The following GRM5 variants were observed in gnomAD, a reference collection of about 807,000 sequenced individuals.
GRM5 encodes the protein glutamate metabotropic receptor 5, also known as metabotropic glutamate receptor 5.
In GRM5, 19 loss-of-function variants were observed where a neutral mutation model predicts 83.1. The ratio of observed to expected loss-of-function variants is 0.23; its 90% CI spans 0.16 to 0.34. GRM5 has a LOEUF of 0.34. Ranked by LOEUF, GRM5 falls within the 10% of genes least tolerant of loss-of-function variation. The pLI, the probability that GRM5 is intolerant of heterozygous loss-of-function variation, is 1.00. For synonymous variants in GRM5, 675 were observed against 633.6 expected (o/e 1.07, Z -0.98); for missense variants, 1,160 against 1,588.3 (o/e 0.73, Z 4.58).
At chr11:88,873,289 A>C (rs2135563964) in intron 2 of GRM5, among the ~76,000 whole-genome samples, 1 of 151,782 alleles carries the variant, frequency 6.6e-6, no homozygotes, top group Admixed American at 6.6e-5. Flanking sequence ...CACTTTTAGC[A>C]ATAGACAGAT....
chr11:88,506,397 C>T lies in GRM5; in HGVS notation c.*2195G>A, dbSNP rs1241515838. The T allele has an allele frequency of 6.6e-6, 1 of 152,110 alleles. No homozygotes were observed. The highest frequency in any genetic ancestry group is 2.4e-5 in the African/African-American group (1 of 41,508). The allele number at this position is 152,110 out of a possible 1,614,324, so 9.4% of individuals were successfully genotyped here. ...GCATATCAAGAAAGGTTTTTAATAC[C>T]TAAGAAGTCAAGATAGGAATCCTCA... On this transcript the variant is annotated 3_prime_UTR_variant, in exon 10 of 10. Coordinates refer to ENST00000305447, the MANE Select transcript of GRM5 (RefSeq NM_001143831.3).
chr11:88,889,227 G>C (rs1292880505), intron 2 of GRM5, among the ~76,000 whole-genome samples: 2 of 152,036 alleles, frequency 1.3e-5, no homozygotes, highest in African/African-American at 2.4e-5. Context: ...TAGTACCCAG[G>C]CAAGAGGAAA....
In GRM5 at chr11:88,508,644, T is replaced by G; in HGVS notation, c.3587A>C (p.Lys1196Thr). The G allele has an allele frequency of 1.2e-6, 2 of 1,609,908 alleles. No individual in the cohort carries two copies. Among genetic ancestry groups the G allele is most frequent in the Non-Finnish European group, 1.7e-6 (2 of 1,178,246 alleles). The part of the protein sequence containing the change: ...ESALCIPSSP[K>T]YDTLIIRDYT... The stretch of plus-strand genomic sequence containing the variant: ...ATCTCTTATGATAAGAGTGTCATAT[T>G]TGGGAGACGACGGGATACAGAGGGC... Residue 1196 changes from lysine to threonine, a missense_variant, in exon 10 of 10, where the codon AAA becomes ACA. Lys to Thr is a moderately conservative substitution (Grantham distance 78). Transcript: ENST00000305447. This position sits in a 1 kb window ranked among gnomAD's most constrained non-coding sequence, Gnocchi z 4.2.
intron 9 of GRM5, among the ~76,000 whole-genome samples, chr11:88,516,924 G>C (rs1941536389): frequency 6.6e-6 from 1 of 151,676 alleles, no homozygotes; most frequent in Non-Finnish European, 1.5e-5. Flanking sequence ...CCTTTCTCTG[G>C]ACCCTTAAAA....
At chr11:88,526,955 C>G (rs939056308) in intron 8 of GRM5, among the ~76,000 whole-genome samples, 1 of 151,848 alleles carries the variant, frequency 6.6e-6, no homozygotes, top group Non-Finnish European at 1.5e-5. Flanking sequence ...ATAAGAAATA[C>G]GTACACAAGT....
chr11:88,875,080 CTGTT>C (rs1246314740), intron 2 of GRM5, among the ~76,000 whole-genome samples: 6 of 59,214 alleles, frequency 1.0e-4, no homozygotes, highest in Non-Finnish European at 1.5e-4. Context: ...CATGAATTGA[CTGTT>C]TTTTTTTTTT....
chr11:88,567,346 G>A lies in GRM5; in HGVS notation c.2337C>T (p.Tyr779=), dbSNP rs1416299936. Residue 779 remains tyrosine (Y), a synonymous_variant, in exon 8 of 10, where the codon TAC becomes TAT. Coordinates refer to ENST00000305447, the MANE Select transcript of GRM5 (RefSeq NM_001143831.3). The surrounding 1 kb of genome is among the most constrained non-coding windows in gnomAD (Gnocchi z 7.3). ...NEAKYIAFTM[Y]TTCIIWLAFV... ...AAGCTAGCCATATAATGCAGGTCGT[G>A]TACATTGTGAAGGCGATATACTTGG... is the stretch of plus-strand genomic sequence containing the variant. The A allele has an allele frequency of 6.2e-7, 1 of 1,614,108 alleles. No individual in the cohort carries two copies. The highest frequency in any genetic ancestry group is 1.3e-5 in the African/African-American group (1 of 75,026).
chr11:88,716,998 A>C (rs1034878615), intron 3 of GRM5, among the ~76,000 whole-genome samples: 3 of 152,010 alleles, frequency 2.0e-5, no homozygotes, highest in African/African-American at 7.2e-5. Context: ...ATGAAGAATA[A>C]GCCAGCCCTG....
chr11:88,596,817 A>G (rs190402150), intron 6 of GRM5, among the ~76,000 whole-genome samples: 69 of 152,160 alleles, frequency 4.5e-4, no homozygotes, highest in African/African-American at 1.6e-3. Context: ...AGCGTGTCTC[A>G]TTTATTTTTG....
At chr11:88,694,665 G>A (rs2135364363) in intron 3 of GRM5, among the ~76,000 whole-genome samples, 1 of 151,906 alleles carries the variant, frequency 6.6e-6, no homozygotes, top group East Asian at 1.9e-4. Context: ...TGCATGATTG[G>A]ACAATCATAA....
chr11:89,005,463 G>T (rs1244363191), intron 2 of GRM5, among the ~76,000 whole-genome samples: 1 of 152,052 alleles, frequency 6.6e-6, no homozygotes, highest in Non-Finnish European at 1.5e-5. Flanking sequence ...GTCTAACAAT[G>T]GATAGTTATA....
chr11:88,616,882 A>G (rs1938500475), intron 4 of GRM5, among the ~76,000 whole-genome samples: 1 of 152,278 alleles, frequency 6.6e-6, no homozygotes, highest in East Asian at 1.9e-4. Flanking sequence ...ACTGATTTCC[A>G]GGACACTGTG....
At chr11:88,674,667 A>G (rs1359817830) in intron 3 of GRM5, among the ~76,000 whole-genome samples, 2 of 151,862 alleles carry the variant, frequency 1.3e-5, no homozygotes, top group South Asian at 2.1e-4. Flanking sequence ...TGCTCCTTCC[A>G]GAGACAAAGT....
chr11:88,525,324 C>T lies in GRM5; in HGVS notation c.2711G>A (p.Arg904Lys), dbSNP rs1396250691. The change falls in exon 9 of 10, where the codon AGA becomes AAA. Residue 904 changes from arginine (R) to lysine (K), a missense_variant. Physicochemically the swap from Arg to Lys is conservative, Grantham distance 26. Transcript: ENST00000305447. The stretch of plus-strand genomic sequence containing the variant: ...GTTTGCTTACCTGCTCATTGTTGCT[C>T]TCCCACCATTCCCCATACTCCCTTT... ...TPKGSMGNGG[R>K]ATMSSSNGKS... The T allele has an allele frequency of 1.2e-6, 2 of 1,603,958 alleles. No homozygotes were observed. The highest frequency in any genetic ancestry group is 1.7e-6 in the Non-Finnish European group (2 of 1,170,866).
In GRM5 at chr11:88,944,631, AAGAC is replaced by A. The variant is rs202159068; in HGVS notation, c.662-94480_662-94477del. Among the ~76,000 whole-genome samples, 923 of 152,002 alleles carry A rather than the reference AAGAC, an allele frequency of 6.1e-3. 10 individuals are homozygous for A. Among genetic ancestry groups the A allele is most frequent in the African/African-American group, 0.02 (822 of 41,514 alleles). The stretch of plus-strand genomic sequence containing the variant: ...TCCAGATAACCTGTTTTTTTAAAGA[AAGAC>A]AGTTGTGTGCAGCTTATAAAAAATA... On this transcript the variant is annotated intron_variant, in intron 2 of 9. Coordinates refer to ENST00000305447, the MANE Select transcript of GRM5 (RefSeq NM_001143831.3).
chr11:88,963,933 A>G (rs925942239), intron 2 of GRM5, among the ~76,000 whole-genome samples: 1 of 152,164 alleles, frequency 6.6e-6, no homozygotes, highest in Non-Finnish European at 1.5e-5. Flanking sequence ...AAAGGTTTAG[A>G]AATATTCTTA....
chr11:88,907,729 G>A (rs149541157), intron 2 of GRM5, among the ~76,000 whole-genome samples: 1 of 152,222 alleles, frequency 6.6e-6, no homozygotes, highest in East Asian at 1.9e-4. Flanking sequence ...TTACTAGCTG[G>A]TCAAGTCATT....
chr11:88,636,319 C>G (rs1939119328), intron 4 of GRM5, among the ~76,000 whole-genome samples: 1 of 152,138 alleles, frequency 6.6e-6, no homozygotes, highest in Non-Finnish European at 1.5e-5. Context: ...TGAGAACAGC[C>G]TGGCCAACAT....
At chr11:88,783,947 A>G (rs1302564617) in intron 3 of GRM5, among the ~76,000 whole-genome samples, 3 of 152,108 alleles carry the variant, frequency 2.0e-5, no homozygotes, top group African/African-American at 7.2e-5. Context: ...TGTACAAAGA[A>G]GAAAAAATAA....
Sources: gnomAD v4.1 joint callset for allele counts (sites outside exome capture counted in the v4.1 genomes callset) on GRCh38, gnomAD v4.1.1 for gene constraint, Gnocchi (gnomAD v3.1) non-coding constraint, MANE v1.5 for transcripts, NCBI Gene and HGNC (gene_info 2026-07-23, HGNC 2026-07-21) for gene names.